The following TUBGCP5 variants were observed in gnomAD, a reference collection of about 807,000 sequenced individuals.
TUBGCP5 encodes the protein gamma-tubulin complex component 5.
In TUBGCP5, 98 loss-of-function variants were observed where a neutral mutation model predicts 134.7. That is an observed-to-expected ratio of 0.73 (90% CI 0.62 to 0.86). TUBGCP5 has a LOEUF of 0.86. Among genes scored for constraint, TUBGCP5 ranks in the 40% least tolerant of loss-of-function variants. TUBGCP5 has a pLI of 0.00. For synonymous variants in TUBGCP5, 456 were observed against 431.4 expected (o/e 1.06, Z -0.71); for missense variants, 1,150 against 1,244.8 (o/e 0.92, Z 1.15).
At chr15:23,017,445 T>C (rs975638782) in intron 13 of TUBGCP5, among the ~76,000 whole-genome samples, 2 of 152,170 alleles carry the variant, frequency 1.3e-5, no homozygotes, top group Non-Finnish European at 2.9e-5. Context: ...ACAATTATTA[T>C]GTCAATTTAT....
In TUBGCP5 at chr15:23,013,731, C is replaced by T. The variant is rs115175771; in HGVS notation, c.1757-2400G>A. ...AGTTTGGAGAGCTGCTGGGAATTCA[C>T]GCAGCTGCCTTGCCCCGGGTTAGGG... On this transcript the variant is annotated intron_variant, in intron 13 of 22. Coordinates refer to ENST00000615383, the MANE Select transcript of TUBGCP5 (RefSeq NM_052903.6). The surrounding 1 kb of genome is among the most constrained non-coding windows in gnomAD (Gnocchi z 4.5). Among the ~76,000 whole-genome samples, 1,698 of 152,322 alleles carry T rather than the reference C, an allele frequency of 0.011. 38 individuals are homozygous for T. Among genetic ancestry groups the T allele is most frequent in the African/African-American group, 0.038 (1,593 of 41,558 alleles).
downstream of TUBGCP5, among the ~76,000 whole-genome samples, chr15:22,997,180 C>CT (rs111628379): frequency 5.3e-4 from 78 of 146,346 alleles, no homozygotes; most frequent in African/African-American, 7.2e-4. Flanking sequence ...CCAATAATTC[C>CT]TTTTTTTTTT....
At chr15:23,005,936 C>A in intron 18 of TUBGCP5, 116 bp downstream of exon 18, 1 of 1,115,828 alleles carries the variant, frequency 9.0e-7, no homozygotes. Flanking sequence ...TGATCAACAA[C>A]CACCAACTTT....
rs188744503 is a variant in TUBGCP5 at position 23,027,937 on chromosome 15, C to A, written c.623-631G>T. ...TAACTGAAGACCTTCCCAACCACTA[C>A]GGAAGTCTCAGGACTGGTGCTAAAT... On this transcript the variant is annotated intron_variant, in intron 6 of 22. Transcript: ENST00000615383. Among the ~76,000 whole-genome samples, 22 of 152,104 alleles carry A rather than the reference C, an allele frequency of 1.4e-4. No homozygotes were observed. The East Asian group carries it at 4.3e-3, about 29-fold the overall frequency.
At position 23,010,032 on chromosome 15, in the gene TUBGCP5, G is replaced by A. The variant is rs774037218; in HGVS notation, c.2057C>T (p.Thr686Met). ...ESVTCQTFEL[T>M]LRSCLYPHID... is the part of the protein sequence containing the mutation. ...ATGAGGATAGAGGCAGGATCTCAGC[G>A]TTAATTCAAAAGTCTGGCATGTCAC... The change falls in exon 15 of 23, where the codon ACG (threonine) becomes ATG (methionine). Residue 686 changes from threonine (T) to methionine (M), a missense_variant. By Grantham distance (81) the Thr-to-Met change is moderately conservative. Around this residue, in one of 2 missense-constraint regions of TUBGCP5, gnomAD observed 697 missense variants for 850.1 expected, o/e 0.82. Transcript: ENST00000615383. The A allele has an allele frequency of 1.7e-5, 27 of 1,614,114 alleles. No individual in the cohort carries two copies. Among genetic ancestry groups the A allele is most frequent in the East Asian group, 2.2e-5 (1 of 44,876 alleles).
rs542111106 is a variant in TUBGCP5 at position 23,024,459 on chromosome 15, A to G, written c.922-266T>C. ...TTAAAGCAAAACAAAATTACAGTAT[A>G]TAACTTTCACAATACAGAATGACAA... On this transcript the variant is annotated intron_variant, in intron 9 of 22. Coordinates refer to ENST00000615383, the MANE Select transcript of TUBGCP5 (RefSeq NM_052903.6). 1,310 of 452,384 alleles carry G rather than the reference A, an allele frequency of 2.9e-3. 2 individuals carry two copies. Among genetic ancestry groups the G allele is most frequent in the Non-Finnish European group, 4.3e-3 (1,126 of 262,912 alleles). The allele number at this position is 452,384 out of a possible 1,614,324, so 28.0% of individuals were successfully genotyped here.
chr15:23,011,766 C>G (rs1425922716), intron 13 of TUBGCP5, among the ~76,000 whole-genome samples: 2 of 148,106 alleles, frequency 1.4e-5, no homozygotes, highest in African/African-American at 4.9e-5. Context: ...CCGCCTCAGC[C>G]TCCCAAAGTG....
At chr15:23,010,312 T>A (rs895514913) in intron 14 of TUBGCP5, among the ~76,000 whole-genome samples, 179 bp from the exon 15 acceptor site, 2 of 152,206 alleles carry the variant, frequency 1.3e-5, no homozygotes, top group Non-Finnish European at 2.9e-5. Flanking sequence ...AAGTTGCCAC[T>A]GACTTAGGGT....
At position 23,017,792 on chromosome 15, in the gene TUBGCP5, G is replaced by A. The variant is rs1256434757; in HGVS notation, c.1737C>T (p.Thr579=). The part of the protein sequence containing the change: ...LKNLQCAEST[T]CQAGARDAER... ...AAGTACCTCTGGCTCCTGCCTGGCA[G>A]GTGGTGCTCTCCGCACACTGCAGGT... Residue 579 remains threonine (T), a synonymous_variant, in exon 13 of 23, where the codon ACC becomes ACT. Transcript: ENST00000615383. 1 of 1,613,564 alleles carries A rather than the reference G, an allele frequency of 6.2e-7. No homozygotes were observed. The highest frequency in any genetic ancestry group is 1.7e-5 in the Admixed American group (1 of 59,958).
At chr15:23,000,385 T>A in intron 22 of TUBGCP5, 184 bp downstream of exon 22, 1 of 1,365,896 alleles carries the variant, frequency 7.3e-7, no homozygotes, top group Non-Finnish European at 9.4e-7. Flanking sequence ...TCCTCAGGCT[T>A]ACACTCACCT....
chr15:23,027,917 G>A (rs1418124326), intron 6 of TUBGCP5, among the ~76,000 whole-genome samples: 5 of 151,988 alleles, frequency 3.3e-5, no homozygotes, highest in Admixed American at 2.0e-4. Context: ...AATGGTAACT[G>A]AAGACCTTCC....
intron 10 of TUBGCP5, chr15:23,023,637 G>A: frequency 3.5e-6 from 1 of 284,574 alleles, no homozygotes; most frequent in South Asian, 4.1e-5. Context: ...GCTCATGTAT[G>A]TTGAAACTCT....
chr15:23,005,365 A>C, intron 19 of TUBGCP5, 67 bp downstream of exon 19: 1 of 1,533,452 alleles, frequency 6.5e-7, no homozygotes, highest in Non-Finnish European at 8.9e-7. Context: ...ACATAGTATG[A>C]GTAATTCTCT....
intron 19 of TUBGCP5, 25 bp downstream of exon 19, chr15:23,005,407 T>G: frequency 6.2e-7 from 1 of 1,611,282 alleles, no homozygotes; most frequent in South Asian, 1.1e-5. Context: ...ACGATAGAAC[T>G]GAAGCAGATG....
chr15:22,988,735 CA>C (rs71117462), intron 23 of TUBGCP5, among the ~76,000 whole-genome samples: 4 of 137,866 alleles, frequency 2.9e-5, no homozygotes, highest in South Asian at 2.4e-4. Context: ...GACTCCGTCT[CA>C]AAAAAAAAAA....
At chr15:22,988,677 A>T (rs1405158157) in intron 23 of TUBGCP5, among the ~76,000 whole-genome samples, 5 of 149,984 alleles carry the variant, frequency 3.3e-5, no homozygotes, top group Non-Finnish European at 5.9e-5. Flanking sequence ...CAGAGCTTGC[A>T]GTGAGCCGAG....
intron 11 of TUBGCP5, among the ~76,000 whole-genome samples, chr15:23,020,006 T>C (rs952492633): frequency 6.6e-6 from 1 of 152,050 alleles, no homozygotes; most frequent in African/African-American, 2.4e-5. Context: ...TGGCTGGGCA[T>C]GGTGGCTCAC....
At chr15:22,983,138 CAA>C (rs1342530332), downstream of TUBGCP5, 1 of 152,164 alleles carries the variant, frequency 6.6e-6, no homozygotes, top group South Asian at 2.1e-4. Context: ...GGCACCTCCA[CAA>C]AACAGAATAC....
downstream of TUBGCP5, among the ~76,000 whole-genome samples, chr15:22,994,852 C>T (rs992420641): frequency 5.3e-5 from 8 of 152,116 alleles, no homozygotes; most frequent in Admixed American, 2.6e-4. Flanking sequence ...CGGTGGCTCA[C>T]GCCTGTAATC....
Sources: allele counts gnomAD v4.1 joint callset (sites outside exome capture counted in the v4.1 genomes callset), GRCh38; gene constraint gnomAD v4.1.1; regional missense constraint gnomAD v4.1.1; non-coding constraint Gnocchi (gnomAD v3.1); transcripts MANE v1.5; gene names NCBI Gene and HGNC (gene_info 2026-07-23, HGNC 2026-07-21).